SLC24A2: variants seen among roughly 807,000 people sequenced by gnomAD.
The protein encoded by SLC24A2 is solute carrier family 24 member 2.
In SLC24A2, 36 loss-of-function variants were observed where a neutral mutation model predicts 62.0. The ratio of observed to expected loss-of-function variants is 0.58; its 90% confidence interval spans 0.44 to 0.77. SLC24A2 has a LOEUF of 0.77. Ranked by LOEUF, SLC24A2 falls within the 30% of genes least tolerant of loss-of-function variation. The probability of loss-of-function intolerance (pLI) is 0.00; values close to 1 mark genes in which losing one functional copy is unlikely to be tolerated. For synonymous variants in SLC24A2, 358 were observed against 294.0 expected, an observed-to-expected ratio of 1.22 and a Z score of -2.23; for missense variants, 846 against 817.9, an observed-to-expected ratio of 1.03 and a Z score of -0.42.
chr9:20,253,795 G>C, the SLC24A2 span, among the ~76,000 whole-genome samples: 1 of 152,160 alleles, frequency 6.6e-6, no homozygotes, highest in African/African-American at 2.4e-5. Context: ...GACACAGTCA[G>C]TTCACGGGGG....
chr9:19,863,717 G>A, the SLC24A2 span, among the ~76,000 whole-genome samples: 1 of 146,954 alleles, frequency 6.8e-6, no homozygotes, highest in Non-Finnish European at 1.5e-5. Context: ...GAGCCATAAG[G>A]GAAGTTTATA....
rs1393166457 is a variant in SLC24A2, at chr9:19,510,433, G to C, written c.*5720C>G. 1.1e-4 allele frequency: 7 copies of C among 61,428 alleles called. No homozygotes were observed. In the Admixed American group the frequency reaches 1.3e-3, roughly 11 times the overall value. 3.8% of individuals were successfully genotyped at this position (61,428 alleles called of 1,614,324 possible). On this transcript the variant is annotated 3_prime_UTR_variant, in exon 11 of 11. Transcript: ENST00000341998. ...GAGTGCCCAGATGCAGTTACTTTTT[G>C]CCAAAAAAAAAAAAAAAAAAAAAAA...
the SLC24A2 span, among the ~76,000 whole-genome samples, chr9:20,097,816 C>A: frequency 3.7e-5 from 5 of 133,474 alleles, no homozygotes; most frequent in African/African-American, 8.3e-5. Flanking sequence ...GATCTCGACT[C>A]ACTGCAAGCT....
chr9:19,607,821 T>A (rs1435815939), intron 4 of SLC24A2, among the ~76,000 whole-genome samples: 1 of 152,134 alleles, frequency 6.6e-6, no homozygotes, highest in Non-Finnish European at 1.5e-5. Flanking sequence ...AGAGGGAACT[T>A]TTCTCATACT....
intron 2 of SLC24A2, among the ~76,000 whole-genome samples, chr9:19,724,091 C>T (rs1160228221): frequency 1.3e-5 from 2 of 152,108 alleles, no homozygotes; most frequent in Non-Finnish European, 2.9e-5. Context: ...AATTTAATTT[C>T]CTATATAGTG....
intron 2 of SLC24A2, among the ~76,000 whole-genome samples, chr9:19,700,055 T>C (rs1212524566): frequency 6.6e-6 from 1 of 152,168 alleles, no homozygotes; most frequent in East Asian, 1.9e-4. Flanking sequence ...GACGTCTGCC[T>C]CACAGATGAA....
At chr9:19,734,406 T>TGG (rs1213034757) in intron 2 of SLC24A2, among the ~76,000 whole-genome samples, 7 of 152,228 alleles carry the variant, frequency 4.6e-5, no homozygotes, top group African/African-American at 1.7e-4. Context: ...AAAGTAGTTT[T>TGG]TTCCAATTCT....
chr9:20,271,684 T>A, the SLC24A2 span, among the ~76,000 whole-genome samples: 4 of 152,180 alleles, frequency 2.6e-5, no homozygotes, highest in African/African-American at 9.6e-5. Context: ...AATTTTTTTT[T>A]AAAGCATCTA....
intron 2 of SLC24A2, among the ~76,000 whole-genome samples, chr9:19,752,858 T>C (rs940994700): frequency 4.6e-5 from 7 of 152,120 alleles, no homozygotes; most frequent in African/African-American, 1.7e-4. Context: ...GTATAGATAA[T>C]AAGTGGCCAA....
the SLC24A2 span, among the ~76,000 whole-genome samples, chr9:20,257,788 C>T: frequency 1.3e-5 from 2 of 152,108 alleles, no homozygotes; most frequent in African/African-American, 4.8e-5. Context: ...ACATAGCAAA[C>T]CCTCAATAAA....
intron 2 of SLC24A2, among the ~76,000 whole-genome samples, chr9:19,662,883 T>C (rs1028068057): frequency 2.6e-5 from 4 of 152,212 alleles, no homozygotes; most frequent in Admixed American, 6.5e-5. Flanking sequence ...TGTGCACGTG[T>C]GTGTATGTGT....
chr9:20,201,300 A>G, the SLC24A2 span, among the ~76,000 whole-genome samples: 1 of 152,212 alleles, frequency 6.6e-6, no homozygotes, highest in Non-Finnish European at 1.5e-5. Flanking sequence ...GGAGGCTTCA[A>G]CCAGCTTGCC....
the SLC24A2 span, among the ~76,000 whole-genome samples, chr9:19,861,488 G>C: frequency 6.6e-6 from 1 of 152,040 alleles, no homozygotes; most frequent in African/African-American, 2.4e-5. Flanking sequence ...AACCTAGACT[G>C]TAAAGACTAC....
chr9:19,684,080 C>A (rs1008626937), intron 2 of SLC24A2, among the ~76,000 whole-genome samples: 2 of 152,170 alleles, frequency 1.3e-5, no homozygotes, highest in African/African-American at 4.8e-5. Context: ...ACAGTAGACA[C>A]AGGGTGCTCT....
At chr9:20,266,036 A>AAGATGTT in the SLC24A2 span, among the ~76,000 whole-genome samples, 1 of 152,328 alleles carries the variant, frequency 6.6e-6, no homozygotes, top group Non-Finnish European at 1.5e-5. Context: ...GTCTCCTGGT[A>AAGATGTT]AGATGTTATC....
intron 2 of SLC24A2, among the ~76,000 whole-genome samples, chr9:19,643,012 A>T (rs1417891347): frequency 6.5e-5 from 9 of 139,238 alleles, no homozygotes; most frequent in African/African-American, 1.6e-4. Flanking sequence ...TTTTTTTAAC[A>T]TATCTGAATG....
the SLC24A2 span, among the ~76,000 whole-genome samples, chr9:20,075,713 T>C: frequency 5.9e-5 from 9 of 152,260 alleles, no homozygotes; most frequent in African/African-American, 2.2e-4. Context: ...GGGATACACT[T>C]GCACTACTGC....
chr9:19,902,265 G>A, the SLC24A2 span, among the ~76,000 whole-genome samples: 1 of 152,150 alleles, frequency 6.6e-6, no homozygotes, highest in Admixed American at 6.5e-5. Context: ...GGCCAAGATG[G>A]TATGATGGTG....
In SLC24A2 at chr9:19,636,315, T is replaced by TTTTCTTTTCCTTCCTTTC; in HGVS notation, c.931-14017_931-14016insGAAAGGAAGGAAAAGAAA. Among the ~76,000 whole-genome samples the TTTTCTTTTCCTTCCTTTC allele has an allele frequency of 2.2e-4, 9 of 40,328 alleles. 2 individuals are homozygous for TTTTCTTTTCCTTCCTTTC. The highest frequency in any genetic ancestry group is 1.0e-3 in the African/African-American group (9 of 8,648). 26.5% of individuals were successfully genotyped at this position (40,328 alleles called of 152,430 possible). On this transcript the variant is annotated intron_variant, in intron 2 of 10. Transcript: ENST00000341998. ...TTTTCTTTTCTTTTCTTTTCTTTTC[T>TTTTCTTTTCCTTCCTTTC]TTTCTTTCTTTCTTTCTTTCTTTCT...
Sources: gnomAD v4.1 joint callset for allele counts (sites outside exome capture counted in the v4.1 genomes callset) on GRCh38, gnomAD v4.1.1 for gene constraint, MANE v1.5 for transcripts, NCBI Gene and HGNC (gene_info 2026-07-23, HGNC 2026-07-21) for gene names.